ADK: variants seen among roughly 807,000 people sequenced by gnomAD.
The protein encoded by ADK is N6,N6-dimethyladenosine kinase.
A neutral mutation model predicts 44.7 loss-of-function variants in ADK; 24 were observed. The observed-to-expected ratio is 0.54, with a 90% confidence interval of 0.39 to 0.76. The LOEUF is 0.76. Ranked by LOEUF, ADK falls within the 30% of genes least tolerant of loss-of-function variation. The pLI, the probability that ADK is intolerant of heterozygous loss-of-function variation, is 0.00. For missense variants in ADK, 321 were observed against 425.1 expected (o/e 0.76, Z 2.15); for synonymous variants, 128 against 142.6 (o/e 0.90, Z 0.73).
At chr10:74,302,105 G>GTTTTTTTTTTTT (rs1840065150) in intron 3 of ADK, among the ~76,000 whole-genome samples, 1 of 88,932 alleles carries the variant, frequency 1.1e-5, no homozygotes, top group African/African-American at 5.3e-5. Context: ...TTTTTTGTTT[G>GTTTTTTTTTTTT]TTTGTTTTTT....
chr10:74,363,869 T>C (rs1348501934), intron 4 of ADK, among the ~76,000 whole-genome samples: 2 of 152,166 alleles, frequency 1.3e-5, no homozygotes, highest in Non-Finnish European at 2.9e-5. Flanking sequence ...TTAGCTCAAA[T>C]GGGCACCCAT....
chr10:74,438,219 T>G (rs1329816071), intron 6 of ADK, among the ~76,000 whole-genome samples: 3 of 151,064 alleles, frequency 2.0e-5, no homozygotes, highest in African/African-American at 4.9e-5. Flanking sequence ...GTAAGGTCCT[T>G]GCCTCTCTCT....
chr10:74,457,230 G>T (rs1330984419), intron 6 of ADK, among the ~76,000 whole-genome samples: 1 of 152,180 alleles, frequency 6.6e-6, no homozygotes, highest in Non-Finnish European at 1.5e-5. Context: ...AGAAAATCTA[G>T]AAGAAATGGA....
chr10:74,591,215 A>C (rs1851704586), intron 8 of ADK, among the ~76,000 whole-genome samples: 1 of 152,078 alleles, frequency 6.6e-6, no homozygotes, highest in African/African-American at 2.4e-5. Flanking sequence ...CACTATATTC[A>C]CCTTTCCATT....
In ADK at chr10:74,645,647, C is replaced by A. The variant is rs184217597; in HGVS notation, c.878-24536C>A. ...AACTCCCAAAAAGATCACAAAGTCC[C>A]CAATTGCTAGCTTTATAAATACATT... is the stretch of plus-strand genomic sequence containing the variant. On this transcript the variant is annotated intron_variant, in intron 9 of 10. Transcript: ENST00000539909. Among the ~76,000 whole-genome samples the A allele has an allele frequency of 2.4e-4, 36 of 152,192 alleles. No individual in the cohort carries two copies. The East Asian group carries it at 6.7e-3, about 29-fold the overall frequency.
intron 6 of ADK, among the ~76,000 whole-genome samples, chr10:74,467,155 T>C (rs1312325934): frequency 6.6e-6 from 1 of 152,160 alleles, no homozygotes; most frequent in Non-Finnish European, 1.5e-5. Context: ...TATTAAACTA[T>C]TACAATGAAG....
intron 9 of ADK, among the ~76,000 whole-genome samples, chr10:74,601,405 T>G (rs1000276544): frequency 6.6e-6 from 1 of 152,148 alleles, no homozygotes; most frequent in African/African-American, 2.4e-5. Context: ...AATTTTATTC[T>G]TTATATTTGA....
intron 1 of ADK, among the ~76,000 whole-genome samples, chr10:74,160,689 G>GT (rs879362736): frequency 9.2e-4 from 135 of 147,472 alleles, no homozygotes; most frequent in African/African-American, 1.8e-3. Flanking sequence ...ATGCAGGTAG[G>GT]GGTGTGTGTG....
intron 9 of ADK, among the ~76,000 whole-genome samples, chr10:74,650,737 G>A (rs1854232818): frequency 6.6e-6 from 1 of 152,300 alleles, no homozygotes; most frequent in South Asian, 2.1e-4. Context: ...AGTACTGACA[G>A]CGATATCATG....
At chr10:74,434,078 C>T (rs1234586349) in intron 6 of ADK, among the ~76,000 whole-genome samples, 2 of 152,020 alleles carry the variant, frequency 1.3e-5, no homozygotes, top group South Asian at 2.1e-4. Context: ...AATCATGGCT[C>T]ATTTAGTAAA....
At chr10:74,224,473 G>A in intron 2 of ADK, 65 bp from the exon 3 acceptor site, 2 of 1,297,510 alleles carry the variant, frequency 1.5e-6, no homozygotes, top group Non-Finnish European at 2.2e-6. Flanking sequence ...GTTTTGAAGA[G>A]GTCAGCTAAC....
chr10:74,165,966 T>C lies in ADK; in HGVS notation c.65+14623T>C, dbSNP rs374266319. Reference sequence around the variant, plus strand: ...ATATTTTCTTTTTTCTCATGTTTCTTTGAGACAGAGTTGCTCTGTTGCCCA... The same window carrying C: ...ATATTTTCTTTTTTCTCATGTTTCTCTGAGACAGAGTTGCTCTGTTGCCCA... On this transcript the variant is annotated intron_variant, in intron 1 of 10. Coordinates refer to ENST00000539909, the MANE Select transcript of ADK (RefSeq NM_006721.4). 3.8e-4 allele frequency among the ~76,000 whole-genome samples: 58 copies of C among 152,340 alleles called. 2 individuals carry two copies. Among genetic ancestry groups the C allele is most frequent in the African/African-American group, 1.4e-3 (57 of 41,584 alleles).
chr10:74,406,419 G>A (rs761802471), intron 6 of ADK, among the ~76,000 whole-genome samples: 1 of 150,902 alleles, frequency 6.6e-6, no homozygotes, highest in African/African-American at 2.4e-5. Context: ...GTGTGGTTGG[G>A]GTTTTTTATA....
chr10:74,373,772 G>A (rs918399419), intron 4 of ADK, among the ~76,000 whole-genome samples: 4 of 152,080 alleles, frequency 2.6e-5, no homozygotes, highest in Non-Finnish European at 5.9e-5. Flanking sequence ...TTAACATAGA[G>A]TTACCATATC....
intron 4 of ADK, among the ~76,000 whole-genome samples, chr10:74,322,307 T>C (rs1353219881): frequency 6.6e-6 from 1 of 152,204 alleles, no homozygotes; most frequent in African/African-American, 2.4e-5. Context: ...CACAACTGTA[T>C]TTATAATTAT....
chr10:74,185,551 G>T (rs1387962310), intron 1 of ADK, among the ~76,000 whole-genome samples: 1 of 149,100 alleles, frequency 6.7e-6, no homozygotes, highest in Non-Finnish European at 1.5e-5. Flanking sequence ...CAGAGTCGTC[G>T]GCCGGGCGCG....
At chr10:74,219,523 T>C (rs1452392773) in intron 2 of ADK, among the ~76,000 whole-genome samples, 8 of 152,116 alleles carry the variant, frequency 5.3e-5, no homozygotes, top group Admixed American at 2.6e-4. Flanking sequence ...GCAGACCTAA[T>C]AGACATCTAC....
At position 74,505,758 on chromosome 10, in the gene ADK, A is replaced by G. The variant is rs372736714; in HGVS notation, c.556-19498A>G. Reference sequence around the variant, plus strand: ...GAGGTCTACTTCCATAGCATTGACAATCTTTTCTATAGATTACCATGTGTA... The same window carrying G: ...GAGGTCTACTTCCATAGCATTGACAGTCTTTTCTATAGATTACCATGTGTA... On this transcript the variant is annotated intron_variant, in intron 6 of 10. Coordinates refer to ENST00000539909, the MANE Select transcript of ADK (RefSeq NM_006721.4). Among the ~76,000 whole-genome samples the G allele has an allele frequency of 3.3e-5, 5 of 152,042 alleles. No homozygotes were observed. In the East Asian group the frequency reaches 9.6e-4, roughly 29 times the overall value.
intron 3 of ADK, among the ~76,000 whole-genome samples, chr10:74,293,598 T>C (rs907351226): frequency 4.6e-5 from 7 of 152,236 alleles, no homozygotes; most frequent in Admixed American, 4.6e-4. Context: ...TATCTTATAG[T>C]TACTCTTTTA....
Sources: allele counts gnomAD v4.1 joint callset (sites outside exome capture counted in the v4.1 genomes callset), GRCh38; gene constraint gnomAD v4.1.1; transcripts MANE v1.5; gene names NCBI Gene and HGNC (gene_info 2026-07-23, HGNC 2026-07-21).